The following PPP1R36 variants were observed in gnomAD, a reference collection of about 807,000 sequenced individuals.
The protein encoded by PPP1R36 is protein phosphatase 1 regulatory subunit 36.
In PPP1R36, 47 loss-of-function variants were observed where a neutral mutation model predicts 53.4. The observed-to-expected ratio is 0.88, with a 90% CI of 0.70 to 1.12. The LOEUF (loss-of-function observed/expected upper bound fraction) is 1.12. Among genes scored for constraint, PPP1R36 ranks in the 50% most tolerant of loss-of-function variants. The pLI, the probability that PPP1R36 is intolerant of heterozygous loss-of-function variation, is 0.00. For synonymous variants in PPP1R36, 153 were observed against 170.5 expected, an observed-to-expected ratio of 0.90 and a Z score of 0.80; for missense variants, 456 against 513.9, an observed-to-expected ratio of 0.89 and a Z score of 1.09.
chr14:64,588,445 T>TA, intron 11 of PPP1R36, 150 bp downstream of exon 11: 1 of 603,532 alleles, frequency 1.7e-6, no homozygotes, highest in South Asian at 2.7e-5. Context: ...GCTCCCCTCC[T>TA]AGTTTCCTTT....
chr14:64,587,995 T>C (rs1174004481), intron 10 of PPP1R36, 109 bp from the exon 11 acceptor site: 3 of 1,044,852 alleles, frequency 2.9e-6, no homozygotes, highest in Non-Finnish European at 4.1e-6. Flanking sequence ...CCTCCCGCCT[T>C]GATCTCCCAA....
chr14:64,550,832 A>C (rs950451778), intron 1 of PPP1R36, 89 bp from the exon 2 acceptor site: 26 of 930,060 alleles, frequency 2.8e-5, no homozygotes, highest in Admixed American at 7.3e-5. Flanking sequence ...TGTGTTAGTA[A>C]GTAGGAATTA....
intron 8 of PPP1R36, among the ~76,000 whole-genome samples, chr14:64,582,739 T>C (rs1166044897): frequency 1.3e-5 from 2 of 152,184 alleles, no homozygotes; most frequent in Admixed American, 6.5e-5. Context: ...CTTGTTTCTC[T>C]TCACTGTGGC....
intron 2 of PPP1R36, chr14:64,552,569 CT>C (rs2080103609): frequency 1.2e-5 from 4 of 338,700 alleles, no homozygotes; most frequent in South Asian, 1.1e-4. Flanking sequence ...ACGTCTTGGG[CT>C]GTTGGACAAA....
chr14:64,574,456 G>A lies in PPP1R36; in HGVS notation c.535G>A (p.Gly179Ser), dbSNP rs754841272. ...LEKKPKSYMV[G>S]LVEKKEMELV... Reference sequence around the variant, plus strand: ...TCTTTTTTTTGTCCTCCCCATCAGAGGCCTTGTAGAGAAAAAAGAAATGGA... The same window carrying A: ...TCTTTTTTTTGTCCTCCCCATCAGAAGCCTTGTAGAGAAAAAAGAAATGGA... The change falls in exon 8 of 12, where the codon GGC (glycine) becomes AGC (serine). Residue 179 changes from glycine to serine, a missense_variant and splice_region_variant. Gly to Ser is a moderately conservative substitution (Grantham distance 56). Coordinates refer to ENST00000298705, the MANE Select transcript of PPP1R36 (RefSeq NM_172365.3). 3.5e-5 allele frequency: 56 copies of A among 1,609,566 alleles called. No homozygotes were observed. The highest frequency in any genetic ancestry group is 4.4e-5 in the Non-Finnish European group (52 of 1,178,708).
chr14:64,566,332 A>G (rs1372990126), intron 6 of PPP1R36, among the ~76,000 whole-genome samples: 1 of 151,842 alleles, frequency 6.6e-6, no homozygotes, highest in Non-Finnish European at 1.5e-5. Flanking sequence ...AATCCCAGAT[A>G]CTTTGGCGGC....
At chr14:64,589,121 A>G in intron 11 of PPP1R36, 31 bp from the exon 12 acceptor site, 2 of 1,581,472 alleles carry the variant, frequency 1.3e-6, no homozygotes, top group East Asian at 2.2e-5. Context: ...TGGCCTCATC[A>G]CTTCAGCTAT....
chr14:64,556,059 A>G (rs1183130542), intron 3 of PPP1R36, among the ~76,000 whole-genome samples: 1 of 152,130 alleles, frequency 6.6e-6, no homozygotes, highest in East Asian at 1.9e-4. Context: ...TGTGTTTTCA[A>G]CATACTGGTT....
chr14:64,574,583 G>A lies in PPP1R36; in HGVS notation c.662G>A (p.Cys221Tyr). ...LAVPDKHHMC[C>Y]GKEKISDTQK... Reference sequence around the variant, plus strand: ...GTGCCGGATAAGCATCACATGTGCTGTGGAAAGTAAGCAGATACTTACACT... The same window carrying A: ...GTGCCGGATAAGCATCACATGTGCTATGGAAAGTAAGCAGATACTTACACT... The change falls in exon 8 of 12, where the codon TGT (cysteine) becomes TAT (tyrosine). Residue 221 changes from cysteine to tyrosine, a missense_variant. By Grantham distance (194) the Cys-to-Tyr change is radical. Transcript: ENST00000298705. 1 of 1,611,242 alleles carries A rather than the reference G, an allele frequency of 6.2e-7. No individual in the cohort carries two copies. The highest frequency in any genetic ancestry group is 8.5e-7 in the Non-Finnish European group (1 of 1,179,136).
At chr14:64,584,567 C>T (rs1309802342) in intron 8 of PPP1R36, among the ~76,000 whole-genome samples, 14 of 152,138 alleles carry the variant, frequency 9.2e-5, no homozygotes, top group Admixed American at 5.9e-4. Flanking sequence ...GAAAAGTTTC[C>T]GCTGAGCTCT....
chr14:64,560,654 G>A (rs920479371), intron 3 of PPP1R36, among the ~76,000 whole-genome samples: 3 of 152,078 alleles, frequency 2.0e-5, no homozygotes, highest in Non-Finnish European at 2.9e-5. Context: ...TGAGGGTGAT[G>A]GAGGAATCAA....
intron 3 of PPP1R36, 94 bp from the exon 4 acceptor site, chr14:64,564,657 T>G: frequency 1.3e-6 from 1 of 782,310 alleles, no homozygotes. Context: ...CTGCTGATAA[T>G]ATATGCTAGT....
At chr14:64,570,205 C>T (rs964425937) in intron 7 of PPP1R36, among the ~76,000 whole-genome samples, 5 of 151,908 alleles carry the variant, frequency 3.3e-5, no homozygotes, top group South Asian at 2.1e-4. Flanking sequence ...GGATTTTGGC[C>T]GGGCACGGTG....
intron 8 of PPP1R36, among the ~76,000 whole-genome samples, chr14:64,576,720 T>C (rs1762619239): frequency 6.6e-6 from 1 of 152,184 alleles, no homozygotes; most frequent in Admixed American, 6.5e-5. Flanking sequence ...ATTCACCATG[T>C]GTGTGTGATT....
intron 3 of PPP1R36, among the ~76,000 whole-genome samples, chr14:64,563,572 T>G (rs1308884685): frequency 6.6e-6 from 1 of 152,188 alleles, no homozygotes; most frequent in Non-Finnish European, 1.5e-5. Flanking sequence ...GCCAGGCAGT[T>G]GGAGAAACTC....
At chr14:64,550,792 T>C in intron 1 of PPP1R36, 129 bp from the exon 2 acceptor site, 1 of 668,464 alleles carries the variant, frequency 1.5e-6, no homozygotes, top group Non-Finnish European at 2.5e-6. Context: ...GGAACCATTG[T>C]TTTTTGTTTC....
At chr14:64,556,066 G>A (rs574252085) in intron 3 of PPP1R36, among the ~76,000 whole-genome samples, 1 of 151,184 alleles carries the variant, frequency 6.6e-6, no homozygotes, top group African/African-American at 2.4e-5. Context: ...TCAACATACT[G>A]GTTACATTTA....
chr14:64,562,812 C>T (rs2080215058), intron 3 of PPP1R36, among the ~76,000 whole-genome samples: 1 of 152,020 alleles, frequency 6.6e-6, no homozygotes, highest in African/African-American at 2.4e-5. Flanking sequence ...TATTTTTTTA[C>T]TTCCAATAAC....
At chr14:64,558,626 T>C (rs1272972831) in intron 3 of PPP1R36, among the ~76,000 whole-genome samples, 2 of 149,848 alleles carry the variant, frequency 1.3e-5, no homozygotes, top group Non-Finnish European at 3.0e-5. Context: ...CTTGCTTTTT[T>C]GGTTTGTTTT....
Sources: allele counts gnomAD v4.1 joint callset (sites outside exome capture counted in the v4.1 genomes callset), GRCh38; gene constraint gnomAD v4.1.1; transcripts MANE v1.5; gene names NCBI Gene and HGNC (gene_info 2026-07-23, HGNC 2026-07-21).